The following ZFYVE9 variants were observed in gnomAD, a reference collection of about 807,000 sequenced individuals.
The protein encoded by ZFYVE9 is zinc finger FYVE-type containing 9.
In ZFYVE9, 43 loss-of-function variants were observed where a neutral mutation model predicts 126.7. That is an observed-to-expected ratio of 0.34 (90% confidence interval 0.27 to 0.44). The LOEUF is 0.44. Among genes scored for constraint, ZFYVE9 ranks in the 20% least tolerant of loss-of-function variants. ZFYVE9 has a pLI of 1.00. For missense variants in ZFYVE9, 1,476 were observed against 1,697.0 expected, an observed-to-expected ratio of 0.87 and a Z score of 2.29; for synonymous variants, 521 against 597.4, an observed-to-expected ratio of 0.87 and a Z score of 1.87.
chr1:52,341,972 G>GC (rs766609687), intron 17 of ZFYVE9, among the ~76,000 whole-genome samples: 16 of 152,226 alleles, frequency 1.1e-4, no homozygotes, highest in Non-Finnish European at 2.1e-4. Flanking sequence ...CCCAGTAGCA[G>GC]TGAGGTAGGC....
chr1:52,224,623 G>T (rs1486193314), intron 2 of ZFYVE9, among the ~76,000 whole-genome samples: 1 of 152,106 alleles, frequency 6.6e-6, no homozygotes, highest in Non-Finnish European at 1.5e-5. Context: ...AGGTCTGAGG[G>T]TGGGTTCCTT....
intron 1 of ZFYVE9, among the ~76,000 whole-genome samples, chr1:52,156,653 C>G (rs1203165104): frequency 6.6e-6 from 1 of 152,142 alleles, no homozygotes; most frequent in East Asian, 1.9e-4. Context: ...GTCTGTGGAC[C>G]AGTGGACCCA....
chr1:52,334,872 CA>C, intron 15 of ZFYVE9, 104 bp downstream of exon 15: 1 of 1,128,282 alleles, frequency 8.9e-7, no homozygotes, highest in Non-Finnish European at 1.3e-6. Context: ...ACTGTTTTTT[CA>C]GTAGCATCTC....
At chr1:52,194,387 C>A (rs1335876276) in intron 1 of ZFYVE9, among the ~76,000 whole-genome samples, 1 of 151,630 alleles carries the variant, frequency 6.6e-6, no homozygotes, top group Non-Finnish European at 1.5e-5. Context: ...TAAAAAAAAA[C>A]CTCACTCAAA....
rs767350188 is a variant in ZFYVE9 at position 52,281,823 on chromosome 1, A to G, written c.3025+7A>G. On this transcript the variant is annotated splice_region_variant and intron_variant, in intron 10 of 18. Transcript: ENST00000287727. ...TATCGGGATGCTCTGGCAGGTAGGA[A>G]TGCTTTATGACTTAGTCTGCTCCCT... The G allele has an allele frequency of 3.1e-6, 5 of 1,614,124 alleles. No individual in the cohort carries two copies. In the East Asian group the frequency reaches 1.1e-4, roughly 36 times the overall value.
In ZFYVE9 at chr1:52,155,408, G is replaced by A. The variant is rs145804426; in HGVS notation, c.-143+13005G>A. ...CACCACCTCGCCCAGCTAATTTTTT[G>A]TATTTTTAGTAGAGACGGGGTTTCA... On this transcript the variant is annotated intron_variant, in intron 1 of 18. Transcript: ENST00000287727. Among the ~76,000 whole-genome samples the A allele has an allele frequency of 9.9e-3, 1,498 of 151,892 alleles. 37 individuals carry two copies. The highest frequency in any genetic ancestry group is 0.035 in the African/African-American group (1,447 of 41,434).
chr1:52,205,527 C>T (rs1644970428), intron 1 of ZFYVE9, among the ~76,000 whole-genome samples: 7 of 146,134 alleles, frequency 4.8e-5, no homozygotes, highest in Admixed American at 4.7e-4. Flanking sequence ...CCATGCCTGG[C>T]TAATTAAATT....
intron 1 of ZFYVE9, among the ~76,000 whole-genome samples, chr1:52,144,109 C>T (rs1644286751): frequency 6.6e-6 from 1 of 152,070 alleles, no homozygotes. Context: ...ATCATGAGGT[C>T]AGAAGTTCAA....
chr1:52,274,663 T>C (rs889935190), intron 8 of ZFYVE9, 79 bp downstream of exon 8: 2 of 1,419,212 alleles, frequency 1.4e-6, no homozygotes, highest in African/African-American at 2.8e-5. Flanking sequence ...GAGACAGAAT[T>C]TGAGTGACAT....
At chr1:52,291,635 T>G (rs1427834477) in intron 10 of ZFYVE9, among the ~76,000 whole-genome samples, 1 of 152,140 alleles carries the variant, frequency 6.6e-6, no homozygotes, top group Non-Finnish European at 1.5e-5. Flanking sequence ...CCCAACACTT[T>G]GGGAGGCCAA....
At chr1:52,284,804 TG>T (rs200129960) in intron 10 of ZFYVE9, among the ~76,000 whole-genome samples, 1,767 of 152,254 alleles carry the variant, frequency 0.012, 14 homozygotes, top group Non-Finnish European at 0.017. Flanking sequence ...CAAAAATACT[TG>T]GAACTGATTA....
chr1:52,207,158 T>C (rs1394238065), intron 1 of ZFYVE9, among the ~76,000 whole-genome samples: 1 of 152,220 alleles, frequency 6.6e-6, no homozygotes, highest in Non-Finnish European at 1.5e-5. Context: ...AGGGATGTTG[T>C]ATATCTCAGT....
intron 13 of ZFYVE9, among the ~76,000 whole-genome samples, chr1:52,316,042 G>C (rs1243455212): frequency 6.6e-6 from 1 of 151,606 alleles, no homozygotes; most frequent in Non-Finnish European, 1.5e-5. Context: ...GTGCATGCTT[G>C]TAGTCCCACC....
chr1:52,235,232 C>T (rs1294065547), intron 3 of ZFYVE9, among the ~76,000 whole-genome samples: 1 of 152,082 alleles, frequency 6.6e-6, no homozygotes, highest in Non-Finnish European at 1.5e-5. Flanking sequence ...CTTCAAGCCT[C>T]GTGTTATCTT....
chr1:52,158,505 T>C (rs1034490391), intron 1 of ZFYVE9, among the ~76,000 whole-genome samples: 96 of 152,182 alleles, frequency 6.3e-4, no homozygotes, highest in African/African-American at 2.3e-3. Context: ...ATGACAATCT[T>C]TGGGGGCAGC....
chr1:52,260,790 C>G (rs1342603813), intron 4 of ZFYVE9, among the ~76,000 whole-genome samples: 11 of 152,130 alleles, frequency 7.2e-5, no homozygotes, highest in Admixed American at 6.5e-4. Context: ...GCACTCCAGC[C>G]TGGGCGACAG....
intron 4 of ZFYVE9, among the ~76,000 whole-genome samples, chr1:52,244,277 G>A (rs1453501200): frequency 1.3e-5 from 2 of 152,146 alleles, no homozygotes; most frequent in Non-Finnish European, 2.9e-5. Context: ...TGGAGGATGG[G>A]AAATACTGTT....
At chr1:52,329,364 A>G (rs559115581) in intron 13 of ZFYVE9, among the ~76,000 whole-genome samples, 24 of 152,324 alleles carry the variant, frequency 1.6e-4, no homozygotes, top group Admixed American at 5.9e-4. Context: ...CCAACAAACT[A>G]AATATAAGAG....
intron 1 of ZFYVE9, among the ~76,000 whole-genome samples, chr1:52,175,517 C>T (rs1164986972): frequency 4.0e-5 from 6 of 149,382 alleles, no homozygotes; most frequent in African/African-American, 1.2e-4. Context: ...ATCTTTGTGG[C>T]GTTCTCTGTA....
Sources: gnomAD v4.1 joint callset for allele counts (sites outside exome capture counted in the v4.1 genomes callset) on GRCh38, gnomAD v4.1.1 for gene constraint, MANE v1.5 for transcripts, NCBI Gene and HGNC (gene_info 2026-07-23, HGNC 2026-07-21) for gene names.